The following ST3GAL4 variants were observed in gnomAD, a reference collection of about 807,000 sequenced individuals.
The protein encoded by ST3GAL4 is ST3 beta-galactoside alpha-2,3-sialyltransferase 4.
ST3GAL4 carries 24 observed loss-of-function variants against 42.6 expected under a neutral mutation model. The ratio of observed to expected loss-of-function variants is 0.56; its 90% CI spans 0.41 to 0.79. The LOEUF (loss-of-function observed/expected upper bound fraction) is 0.79, where lower values mean the gene tolerates loss of function less well. ST3GAL4 is among the 30% of genes least tolerant of loss of function. ST3GAL4 has a pLI of 0.00. For synonymous variants in ST3GAL4, 135 were observed against 163.2 expected, an observed-to-expected ratio of 0.83 and a Z score of 1.32; for missense variants, 311 against 430.8, an observed-to-expected ratio of 0.72 and a Z score of 2.46.
At chr11:126,395,326 A>G (rs1034744001) in intron 1 of ST3GAL4, among the ~76,000 whole-genome samples, 1 of 152,120 alleles carries the variant, frequency 6.6e-6, no homozygotes, top group Non-Finnish European at 1.5e-5. Context: ...GGGGGCCTGC[A>G]GTGTTGGGTG....
chr11:126,409,429 G>A lies in ST3GAL4; in HGVS notation c.771+18G>A, dbSNP rs1238869496. On this transcript the variant is annotated intron_variant, in intron 9 of 10. Coordinates refer to ENST00000444328, the MANE Select transcript of ST3GAL4 (RefSeq NM_001254757.2). This position sits in a 1 kb window ranked among gnomAD's most constrained non-coding sequence, Gnocchi z 4.9. ...TTAAGCAGGTGATGATGGGAAGTCA[G>A]GCCTGAGGGCTAGGATCCTGGGCGG... The A allele has an allele frequency of 1.3e-5, 21 of 1,614,210 alleles. No individual in the cohort carries two copies. Among genetic ancestry groups the A allele is most frequent in the Non-Finnish European group, 1.8e-5 (21 of 1,180,036 alleles).
At chr11:126,385,003 C>T (rs1039177845) in intron 1 of ST3GAL4, among the ~76,000 whole-genome samples, 3 of 152,126 alleles carry the variant, frequency 2.0e-5, no homozygotes, top group Admixed American at 2.0e-4. Flanking sequence ...TTGTTCTGTG[C>T]CCAGCCCCTG....
chr11:126,405,693 TCACA>T lies in ST3GAL4; in HGVS notation c.-60-400_-60-397del, dbSNP rs1954197289. On this transcript the variant is annotated intron_variant, in intron 1 of 10. Coordinates refer to ENST00000444328, the MANE Select transcript of ST3GAL4 (RefSeq NM_001254757.2). ...GTTGGGTAAAAGAGGACTCAAGCCC[TCACA>T]CAGTGAGTTGGCTAACTTTTTGTCT... 2.9e-5 allele frequency: 7 copies of T among 240,868 alleles called. 1 individual carries two copies. In the South Asian group the frequency reaches 3.7e-4, roughly 13 times the overall value. The allele number at this position is 240,868 out of a possible 1,614,324, so 14.9% of individuals were successfully genotyped here.
Position 126,374,724 on chromosome 11 carries a change from G to A in ST3GAL4, c.-61+18882G>A, listed in dbSNP as rs1318848399. On this transcript the variant is annotated intron_variant, in intron 1 of 10. Coordinates refer to ENST00000444328, the MANE Select transcript of ST3GAL4 (RefSeq NM_001254757.2). ...CAGAGCAAGGACCCGGGCTCTCCCC[G>A]TAAGTGAGAAGAGTCCATGGAGGTT... Among the ~76,000 whole-genome samples the A allele has an allele frequency of 7.9e-5, 12 of 152,264 alleles. No homozygotes were observed. The East Asian group carries it at 1.9e-3, about 25-fold the overall frequency.
rs1380788317 is a variant in ST3GAL4 at position 126,386,455 on chromosome 11, T to C, written c.-60-19641T>C. ...GGGAGGCCTTGGGGTCCCCAGCCTG[T>C]GCTGGGACAGGGGTATTATTCCAGT... On this transcript the variant is annotated intron_variant, in intron 1 of 10. Coordinates refer to ENST00000444328, the MANE Select transcript of ST3GAL4 (RefSeq NM_001254757.2). The surrounding 1 kb of genome is among the most constrained non-coding windows in gnomAD (Gnocchi z 4.7). 2.6e-5 allele frequency among the ~76,000 whole-genome samples: 4 copies of C among 152,048 alleles called. No individual in the cohort carries two copies. The highest frequency in any genetic ancestry group is 1.9e-4 in the East Asian group (1 of 5,158).
In ST3GAL4 at chr11:126,369,603, G is replaced by T. The variant is rs1952565491; in HGVS notation, c.-61+13761G>T. On this transcript the variant is annotated intron_variant, in intron 1 of 10. Transcript: ENST00000444328. Reference sequence around the variant, plus strand: ...CAGTGGAAAACCTGAGACCCGGAAAGGTCATTCACACTCCCAGAAGTGATG... The same window carrying T: ...CAGTGGAAAACCTGAGACCCGGAAATGTCATTCACACTCCCAGAAGTGATG... Among the ~76,000 whole-genome samples, 6 of 152,262 alleles carry T rather than the reference G, an allele frequency of 3.9e-5. No homozygotes were observed. The South Asian group carries it at 1.2e-3, about 32-fold the overall frequency.
rs1392466438 is a variant in ST3GAL4, at chr11:126,398,362, T to C, written c.-60-7734T>C. Reference sequence around the variant, plus strand: ...ATCCCAACTTGACAATAATCTTCTTTGACTCCATGTCCTGCCTTCCAGACA... The same window carrying C: ...ATCCCAACTTGACAATAATCTTCTTCGACTCCATGTCCTGCCTTCCAGACA... On this transcript the variant is annotated intron_variant, in intron 1 of 10. Coordinates refer to ENST00000444328, the MANE Select transcript of ST3GAL4 (RefSeq NM_001254757.2). The surrounding 1 kb of genome is among the most constrained non-coding windows in gnomAD (Gnocchi z 4.7). Among the ~76,000 whole-genome samples, 2 of 152,244 alleles carry C rather than the reference T, an allele frequency of 1.3e-5. No individual in the cohort carries two copies. The highest frequency in any genetic ancestry group is 2.9e-5 in the Non-Finnish European group (2 of 68,046).
intron 1 of ST3GAL4, among the ~76,000 whole-genome samples, chr11:126,394,142 A>C (rs1413490705): frequency 1.3e-5 from 2 of 152,238 alleles, no homozygotes; most frequent in Non-Finnish European, 2.9e-5. Flanking sequence ...TGCTGGAAGC[A>C]GGGGATTGGC....
At chr11:126,357,889 C>T (rs1952121686) in intron 1 of ST3GAL4, among the ~76,000 whole-genome samples, 2 of 152,232 alleles carry the variant, frequency 1.3e-5, no homozygotes, top group Non-Finnish European at 2.9e-5. Flanking sequence ...CAAAGGTTTG[C>T]ACCATCTGTT....
intron 1 of ST3GAL4, among the ~76,000 whole-genome samples, chr11:126,390,427 C>T (rs1195769676): frequency 2.0e-5 from 3 of 151,412 alleles, no homozygotes; most frequent in African/African-American, 4.9e-5. Context: ...AAAATATGCA[C>T]ATATTCAGCC....
intron 9 of ST3GAL4, among the ~76,000 whole-genome samples, chr11:126,412,100 G>T (rs192460119): frequency 6.6e-6 from 1 of 152,078 alleles, no homozygotes; most frequent in Non-Finnish European, 1.5e-5. Context: ...CAGCCGGTAG[G>T]GGGCGGGGGG....
intron 1 of ST3GAL4, among the ~76,000 whole-genome samples, chr11:126,377,820 G>A (rs1289796873): frequency 6.6e-6 from 1 of 152,216 alleles, no homozygotes; most frequent in Non-Finnish European, 1.5e-5. Context: ...CCCTTTTTGA[G>A]CAGTTAAAGT....
chr11:126,369,258 G>GT (rs1485131278), intron 1 of ST3GAL4, among the ~76,000 whole-genome samples: 1 of 150,130 alleles, frequency 6.7e-6, no homozygotes, highest in Non-Finnish European at 1.5e-5. Flanking sequence ...CTTTTTTTTG[G>GT]GGGGGGGAGG....
chr11:126,412,423 C>T (rs1392672829), intron 9 of ST3GAL4, among the ~76,000 whole-genome samples: 2 of 152,116 alleles, frequency 1.3e-5, no homozygotes, highest in African/African-American at 4.8e-5. Flanking sequence ...GTTGCTGAAG[C>T]GGAGGAAGGC....
At position 126,393,673 on chromosome 11, in the gene ST3GAL4, G is replaced by A. The variant is rs567951032; in HGVS notation, c.-60-12423G>A. Among the ~76,000 whole-genome samples the A allele has an allele frequency of 6.6e-6, 1 of 152,178 alleles. No homozygotes were observed. The highest frequency in any genetic ancestry group is 1.5e-5 in the Non-Finnish European group (1 of 68,026). On this transcript the variant is annotated intron_variant, in intron 1 of 10. Coordinates refer to ENST00000444328, the MANE Select transcript of ST3GAL4 (RefSeq NM_001254757.2). The surrounding 1 kb of genome is among the most constrained non-coding windows in gnomAD (Gnocchi z 5.9). ...TGCTTCCAGTAGGCACTTGAGGGTGGACACCACCGTCTTCAGGTCATAGGA... is the reference window on the plus strand; with the variant it reads ...TGCTTCCAGTAGGCACTTGAGGGTGAACACCACCGTCTTCAGGTCATAGGA...
At position 126,365,420 on chromosome 11, in the gene ST3GAL4, G is replaced by T. The variant is rs543454592; in HGVS notation, c.-61+9578G>T. 3.7e-3 allele frequency among the ~76,000 whole-genome samples: 568 copies of T among 152,284 alleles called. 1 individual carries two copies. The highest frequency in any genetic ancestry group is 0.013 in the African/African-American group (548 of 41,548). On this transcript the variant is annotated intron_variant, in intron 1 of 10. Transcript: ENST00000444328. Reference sequence around the variant, plus strand: ...TTGGGGCCTCACAGATGATGGAGAAGCCAGAGTTCAGGCACTTGGCATGAC... The same window carrying T: ...TTGGGGCCTCACAGATGATGGAGAATCCAGAGTTCAGGCACTTGGCATGAC...
chr11:126,395,316 G>A (rs1953702104), intron 1 of ST3GAL4, among the ~76,000 whole-genome samples: 1 of 152,138 alleles, frequency 6.6e-6, no homozygotes, highest in African/African-American at 2.4e-5. Context: ...AAGCAGGGGA[G>A]GGGGCCTGCA....
At chr11:126,367,157 G>C (rs1384295845) in intron 1 of ST3GAL4, among the ~76,000 whole-genome samples, 1 of 152,192 alleles carries the variant, frequency 6.6e-6, no homozygotes, top group East Asian at 1.9e-4. Flanking sequence ...AGGCTGAATG[G>C]GGCGGAACTG....
intron 1 of ST3GAL4, among the ~76,000 whole-genome samples, chr11:126,388,522 G>A: frequency 6.6e-6 from 1 of 151,554 alleles, no homozygotes; most frequent in East Asian, 1.9e-4. Flanking sequence ...GTAGAGGTGG[G>A]GGTTTTACCA....
Sources: gnomAD v4.1 joint callset for allele counts (sites outside exome capture counted in the v4.1 genomes callset) on GRCh38, gnomAD v4.1.1 for gene constraint, Gnocchi (gnomAD v3.1) non-coding constraint, MANE v1.5 for transcripts, NCBI Gene and HGNC (gene_info 2026-07-23, HGNC 2026-07-21) for gene names.